Variants in RALY observed in about 807,000 individuals in gnomAD.
RALY encodes the protein RNA-binding protein Raly.
In RALY, 15 loss-of-function variants were observed where a neutral mutation model predicts 30.7. That is an observed-to-expected ratio of 0.49 (90% CI 0.33 to 0.75). RALY has a LOEUF of 0.75. Ranked by LOEUF, RALY falls within the 30% of genes least tolerant of loss-of-function variation. The probability of loss-of-function intolerance (pLI) is 0.02; values close to 1 mark genes in which losing one functional copy is unlikely to be tolerated. For synonymous variants in RALY, 177 were observed against 170.8 expected (o/e 1.04, Z -0.28); for missense variants, 339 against 414.3 (o/e 0.82, Z 1.58).
intron 9 of RALY, among the ~76,000 whole-genome samples, 190 bp downstream of exon 9, chr20:34,078,743 C>G (rs1352160827): frequency 6.6e-6 from 1 of 152,138 alleles, no homozygotes; most frequent in Non-Finnish European, 1.5e-5. Context: ...GCTTGCCATG[C>G]TGAGGAAGCA....
intron 2 of RALY, among the ~76,000 whole-genome samples, chr20:34,037,580 C>G (rs962200155): frequency 6.6e-6 from 1 of 152,192 alleles, no homozygotes; most frequent in African/African-American, 2.4e-5. Flanking sequence ...CAATGCCTGG[C>G]TTGCTGGTGA....
At chr20:34,050,511 A>C (rs1375484821) in intron 2 of RALY, among the ~76,000 whole-genome samples, 1 of 152,216 alleles carries the variant, frequency 6.6e-6, no homozygotes, top group Non-Finnish European at 1.5e-5. Flanking sequence ...GGCCACAGCA[A>C]TGTGGGTTAT....
intron 2 of RALY, among the ~76,000 whole-genome samples, chr20:34,058,442 G>A (rs1023055524): frequency 1.3e-5 from 2 of 152,142 alleles, no homozygotes; most frequent in Admixed American, 6.5e-5. Context: ...ACAAGGGACA[G>A]TGTCTAAGCT....
At chr20:34,019,557 C>T (rs544311395) in intron 1 of RALY, among the ~76,000 whole-genome samples, 2 of 152,252 alleles carry the variant, frequency 1.3e-5, no homozygotes, top group East Asian at 3.9e-4. Flanking sequence ...ACCGAAGATC[C>T]CCATGTTCTA....
intron 2 of RALY, among the ~76,000 whole-genome samples, chr20:34,058,323 G>A (rs774636604): frequency 6.6e-6 from 1 of 152,108 alleles, no homozygotes; most frequent in Non-Finnish European, 1.5e-5. Flanking sequence ...ACATAAGCGT[G>A]CATATGTATA....
chr20:34,073,447 C>A, intron 3 of RALY, 116 bp from the exon 4 acceptor site: 1 of 934,734 alleles, frequency 1.1e-6, no homozygotes, highest in Non-Finnish European at 1.7e-6. Context: ...CATCAGTGAG[C>A]AGAATCCATG....
chr20:34,051,841 G>A (rs566435352), intron 2 of RALY, among the ~76,000 whole-genome samples: 10 of 152,290 alleles, frequency 6.6e-5, no homozygotes, highest in East Asian at 1.9e-4. Flanking sequence ...TCCTGACCTC[G>A]TGATCCAGGT....
intron 8 of RALY, chr20:34,077,505 T>G: frequency 3.1e-6 from 2 of 644,896 alleles, no homozygotes; most frequent in Non-Finnish European, 5.1e-6. Context: ...GGTTTCCACA[T>G]GAGTTGGAGA....
intron 1 of RALY, among the ~76,000 whole-genome samples, chr20:33,995,367 C>G (rs1193040145): frequency 1.3e-5 from 2 of 152,252 alleles, no homozygotes; most frequent in East Asian, 3.9e-4. Context: ...TCCTCCCAGA[C>G]CTTGCAGGTT....
intron 1 of RALY, among the ~76,000 whole-genome samples, chr20:34,001,195 G>A (rs1461073994): frequency 6.6e-6 from 1 of 152,140 alleles, no homozygotes; most frequent in Non-Finnish European, 1.5e-5. Context: ...GACAAACTTG[G>A]AGTCCAAGAC....
At chr20:34,009,973 C>T (rs1451780312) in intron 1 of RALY, among the ~76,000 whole-genome samples, 1 of 152,032 alleles carries the variant, frequency 6.6e-6, no homozygotes, top group Admixed American at 6.6e-5. Flanking sequence ...CTGGTGAATC[C>T]CCTGCGACTA....
intron 2 of RALY, among the ~76,000 whole-genome samples, chr20:34,050,302 T>C (rs951527710): frequency 2.0e-5 from 3 of 152,224 alleles, no homozygotes; most frequent in African/African-American, 7.2e-5. Flanking sequence ...GTTCAAACAA[T>C]TCTTGAATAT....
At chr20:34,042,625 T>A (rs1024478518) in intron 2 of RALY, among the ~76,000 whole-genome samples, 2 of 152,206 alleles carry the variant, frequency 1.3e-5, no homozygotes, top group Non-Finnish European at 2.9e-5. Flanking sequence ...TTTAACTGAT[T>A]AATGTGGAAA....
chr20:34,046,669 G>C (rs536352331), intron 2 of RALY, among the ~76,000 whole-genome samples: 1 of 152,080 alleles, frequency 6.6e-6, no homozygotes, highest in African/African-American at 2.4e-5. Flanking sequence ...TTTTTAAAAA[G>C]CACTGATCTC....
chr20:34,040,701 A>G (rs183631607), intron 2 of RALY, among the ~76,000 whole-genome samples: 18 of 152,282 alleles, frequency 1.2e-4, no homozygotes, highest in African/African-American at 4.1e-4. Flanking sequence ...TAAATAGATT[A>G]TCTCCCTTAA....
chr20:34,064,185 G>A (rs1259981104), intron 2 of RALY, among the ~76,000 whole-genome samples: 1 of 152,056 alleles, frequency 6.6e-6, no homozygotes, highest in Non-Finnish European at 1.5e-5. Context: ...GGGGATTATA[G>A]GCATAAGTTA....
chr20:34,076,982 C>A (rs1184730126), intron 7 of RALY, 46 bp from the exon 8 acceptor site: 11 of 1,609,686 alleles, frequency 6.8e-6, no homozygotes, highest in Non-Finnish European at 8.5e-6. Flanking sequence ...AGACAGCTAC[C>A]CCAGGCTGAG....
chr20:34,072,963 A>T (rs1180247099), intron 3 of RALY, among the ~76,000 whole-genome samples: 1 of 150,808 alleles, frequency 6.6e-6, no homozygotes, highest in African/African-American at 2.5e-5. Context: ...TGTGTGTGAG[A>T]GAGAGAACAT....
chr20:34,078,346 G>C (rs1387624245), intron 8 of RALY, among the ~76,000 whole-genome samples, 159 bp from the exon 9 acceptor site: 8 of 152,232 alleles, frequency 5.3e-5, no homozygotes, highest in Non-Finnish European at 8.8e-5. Flanking sequence ...AGCTTTGTTG[G>C]CTGGTCCCAT....
Sources: gnomAD v4.1 joint callset for allele counts (sites outside exome capture counted in the v4.1 genomes callset) on GRCh38, gnomAD v4.1.1 for gene constraint, MANE v1.5 for transcripts, NCBI Gene and HGNC (gene_info 2026-07-23, HGNC 2026-07-21) for gene names.